STARD7: variants seen among roughly 807,000 people sequenced by gnomAD.
STARD7 encodes the protein StAR related lipid transfer domain containing 7.
A neutral mutation model predicts 45.3 loss-of-function variants in STARD7; 30 were observed. That is an observed-to-expected ratio of 0.66 (90% CI 0.50 to 0.90). The LOEUF is 0.90. Among genes scored for constraint, STARD7 ranks in the 40% least tolerant of loss-of-function variants. The pLI is 0.00. For synonymous variants in STARD7, 199 were observed against 183.0 expected, an observed-to-expected ratio of 1.09 and a Z score of -0.70; for missense variants, 495 against 491.3, an observed-to-expected ratio of 1.01 and a Z score of -0.07.
At chr2:96,189,106 C>T (rs149209418) in intron 6 of STARD7, among the ~76,000 whole-genome samples, 1 of 152,086 alleles carries the variant, frequency 6.6e-6, no homozygotes, top group African/African-American at 2.4e-5. Flanking sequence ...TGCACTACCA[C>T]CACAACTAAT....
In STARD7 at chr2:96,208,289, T is replaced by C. The variant is rs757612615; in HGVS notation, c.146A>G (p.Tyr49Cys). The change falls in exon 1 of 8, where the codon TAC becomes TGC. Residue 49 changes from tyrosine to cysteine, a missense_variant. Coordinates refer to ENST00000337288, the MANE Select transcript of STARD7 (RefSeq NM_020151.4). ...QQIAQLYGRL[Y>C]SESSRRVLLG... ...GAGAACGCGGCGTGAGCTCTCGGAG[T>C]AGAGGCGGCCGTAGAGCTGCGCGAT... 190 of 1,610,206 alleles carry C rather than the reference T, an allele frequency of 1.2e-4. No homozygotes were observed. Among genetic ancestry groups the C allele is most frequent in the Non-Finnish European group, 1.5e-4 (175 of 1,179,102 alleles).
chr2:96,197,120 A>AGAAAAGAAAAGAAAAG (rs1683233426), intron 1 of STARD7, among the ~76,000 whole-genome samples: 1 of 138,760 alleles, frequency 7.2e-6, no homozygotes, highest in East Asian at 2.7e-4. Flanking sequence ...ATAAAATAAA[A>AGAAAAGAAAAGAAAAG]TAAAGCCAAG....
At chr2:96,201,048 C>G (rs1683296205) in intron 1 of STARD7, among the ~76,000 whole-genome samples, 1 of 152,164 alleles carries the variant, frequency 6.6e-6, no homozygotes, top group Non-Finnish European at 1.5e-5. Context: ...TATTCCTTTA[C>G]ACAGGCATAT....
At chr2:96,189,201 A>G (rs566211945) in intron 6 of STARD7, among the ~76,000 whole-genome samples, 22 of 152,238 alleles carry the variant, frequency 1.4e-4, no homozygotes. Context: ...CTCCTGCCTC[A>G]GCCTCCCAAA....
At chr2:96,193,716 T>C (rs1344165421) in intron 3 of STARD7, among the ~76,000 whole-genome samples, 2 of 152,232 alleles carry the variant, frequency 1.3e-5, no homozygotes, top group Non-Finnish European at 2.9e-5. Context: ...AAGTATTAAG[T>C]AGACACTTCA....
At chr2:96,194,873 C>T in intron 3 of STARD7, 85 bp downstream of exon 3, 1 of 1,157,962 alleles carries the variant, frequency 8.6e-7, no homozygotes, top group Non-Finnish European at 1.3e-6. Context: ...AAGCCAATGT[C>T]ACCTGAGTCA....
intron 1 of STARD7, among the ~76,000 whole-genome samples, chr2:96,202,000 A>G (rs865776811): frequency 2.4e-4 from 36 of 152,232 alleles, no homozygotes; most frequent in Middle Eastern, 6.8e-3. Flanking sequence ...TTGAAGTCCT[A>G]TTAGTTCTAA....
At chr2:96,189,456 G>A (rs1204343646) in intron 6 of STARD7, among the ~76,000 whole-genome samples, 1 of 152,098 alleles carries the variant, frequency 6.6e-6, no homozygotes, top group Admixed American at 6.6e-5. Flanking sequence ...TGTAATCCCA[G>A]CACTCAGAAA....
At chr2:96,204,429 C>G (rs1221299039) in intron 1 of STARD7, among the ~76,000 whole-genome samples, 3 of 151,238 alleles carry the variant, frequency 2.0e-5, no homozygotes, top group Admixed American at 1.3e-4. Flanking sequence ...TGGCAAGCAC[C>G]TGTAATCCAG....
chr2:96,206,800 CAAA>C (rs61417989), intron 1 of STARD7, among the ~76,000 whole-genome samples: 1 of 49,488 alleles, frequency 2.0e-5, no homozygotes, highest in Non-Finnish European at 4.0e-5. Flanking sequence ...GACTCCGTCT[CAAA>C]AAAAAAAAAA....
rs1203054186 is a variant in STARD7, at chr2:96,186,743, A to G, written c.1100T>C (p.Ile367Thr). 1.9e-6 allele frequency: 3 copies of G among 1,610,272 alleles called. No individual in the cohort carries two copies. Among genetic ancestry groups the G allele is most frequent in the African/African-American group, 1.3e-5 (1 of 74,822 alleles). Residue 367 changes from isoleucine to threonine, a missense_variant, in exon 8 of 8, where the codon ATT (isoleucine) becomes ACT (threonine). By Grantham distance (89) the Ile-to-Thr change is moderately conservative (BLOSUM62 -1). This residue lies in a region of STARD7 where 213 missense variants were observed against 271.2 expected (regional missense o/e 0.79). Transcript: ENST00000337288. ...KNEGSCGPAR[I>T]EYA ...TCCCAAAGCCTGTCAAGCATACTCA[A>G]TCCGAGCAGGGCCACAGCTGCCCTC... is the stretch of plus-strand genomic sequence containing the variant.
At chr2:96,194,182 A>C (rs1252066609) in intron 3 of STARD7, among the ~76,000 whole-genome samples, 1 of 152,166 alleles carries the variant, frequency 6.6e-6, no homozygotes, top group African/African-American at 2.4e-5. Context: ...AGACATAGGG[A>C]GACCCTGTCT....
Position 96,204,957 on chromosome 2 carries a change from G to T in STARD7, c.290+3188C>A, listed in dbSNP as rs1683366291. Among the ~76,000 whole-genome samples, 4 of 152,098 alleles carry T rather than the reference G, an allele frequency of 2.6e-5. No individual in the cohort carries two copies. In the South Asian group the frequency reaches 8.3e-4, roughly 32 times the overall value. The stretch of plus-strand genomic sequence containing the variant: ...GTAACTTTTAAAAAACTATGAGGAG[G>T]TTAATGGAACATTTTCCCCTAGCCT... On this transcript the variant is annotated intron_variant, in intron 1 of 7. Coordinates refer to ENST00000337288, the MANE Select transcript of STARD7 (RefSeq NM_020151.4).
chr2:96,196,113 C>CAAAAA (rs113641896), intron 1 of STARD7, among the ~76,000 whole-genome samples: 1 of 83,386 alleles, frequency 1.2e-5, no homozygotes, highest in Non-Finnish European at 2.5e-5. Context: ...ACTCTTGTCT[C>CAAAAA]AAAAAAAAAA....
intron 6 of STARD7, among the ~76,000 whole-genome samples, chr2:96,188,329 G>T (rs1218446939): frequency 1.3e-5 from 2 of 148,408 alleles, no homozygotes; most frequent in African/African-American, 5.0e-5. Flanking sequence ...AGGATGGAGG[G>T]CAATGGCACA....
intron 1 of STARD7, among the ~76,000 whole-genome samples, chr2:96,198,081 G>A (rs148277043): frequency 1.5e-3 from 226 of 152,038 alleles, no homozygotes; most frequent in African/African-American, 4.8e-3. Flanking sequence ...CTAGCACTTC[G>A]GGAGGCCAAG....
intron 1 of STARD7, among the ~76,000 whole-genome samples, chr2:96,205,850 A>G (rs1558738277): frequency 6.6e-6 from 1 of 152,212 alleles, no homozygotes; most frequent in South Asian, 2.1e-4. Flanking sequence ...AAGAAAAAAA[A>G]TCCTCAAGAT....
At chr2:96,199,835 T>G (rs1020946444) in intron 1 of STARD7, among the ~76,000 whole-genome samples, 2 of 152,210 alleles carry the variant, frequency 1.3e-5, no homozygotes, top group African/African-American at 2.4e-5. Context: ...TTCCTTCTAT[T>G]CCCAGTCTGC....
rs781350165 is a variant in STARD7 at position 96,193,235 on chromosome 2, TACTC to T, written c.660+3_660+6del. On this transcript the variant is annotated splice_donor_5th_base_variant and intron_variant, in intron 4 of 7. Transcript: ENST00000337288. ...ACAGAAATAAAATCAGAAGTAAAAA[TACTC>T]ACAGGAAAATGGGTTACCCAGTGAA... The T allele has an allele frequency of 6.2e-7, 1 of 1,609,690 alleles. No individual in the cohort carries two copies. The highest frequency in any genetic ancestry group is 8.5e-7 in the Non-Finnish European group (1 of 1,176,048).
Sources: allele counts gnomAD v4.1 joint callset (sites outside exome capture counted in the v4.1 genomes callset), GRCh38; gene constraint gnomAD v4.1.1; regional missense constraint gnomAD v4.1.1; transcripts MANE v1.5; gene names NCBI Gene and HGNC (gene_info 2026-07-23, HGNC 2026-07-21).